The following PFN4 variants were observed in gnomAD, a reference collection of about 807,000 sequenced individuals.
PFN4 encodes the protein profilin-4.
Under a neutral mutation model 16.3 loss-of-function variants are expected in PFN4, and 10 were observed. That is an observed-to-expected ratio of 0.61 (90% CI 0.38 to 1.04). The LOEUF is 1.04. Ranked by LOEUF, PFN4 falls within the 50% of genes least tolerant of loss-of-function variation. The pLI is 0.01. For synonymous variants in PFN4, 54 were observed against 56.9 expected (o/e 0.95, Z 0.23); for missense variants, 136 against 153.6 (o/e 0.89, Z 0.61).
chr2:24,118,715 T>C (rs1362593285), intron 4 of PFN4, among the ~76,000 whole-genome samples: 1 of 152,176 alleles, frequency 6.6e-6, no homozygotes, highest in Non-Finnish European at 1.5e-5. Flanking sequence ...TTTAGGCAGA[T>C]AGAACAGCAT....
chr2:24,120,242 C>T (rs1666062428), intron 3 of PFN4, among the ~76,000 whole-genome samples: 1 of 151,396 alleles, frequency 6.6e-6, no homozygotes, highest in Non-Finnish European at 1.5e-5. Flanking sequence ...GCACTCCAGC[C>T]TGGGCGACAA....
chr2:24,119,944 A>G (rs1474678188), intron 3 of PFN4, among the ~76,000 whole-genome samples: 3 of 152,288 alleles, frequency 2.0e-5, no homozygotes, highest in East Asian at 3.9e-4. Context: ...AAGTTCTGCA[A>G]TTGATTATCA....
At chr2:24,115,936 T>C (rs79424235) in intron 4 of PFN4, among the ~76,000 whole-genome samples, 4,295 of 146,688 alleles carry the variant, frequency 0.029, 82 homozygotes, top group African/African-American at 0.055. Flanking sequence ...GGATGAATAA[T>C]GCATATGGCT....
chr2:24,117,262 C>T (rs1665950985), intron 4 of PFN4, among the ~76,000 whole-genome samples: 1 of 152,014 alleles, frequency 6.6e-6, no homozygotes, highest in Non-Finnish European at 1.5e-5. Flanking sequence ...ATGATCTACC[C>T]ACCTTGGCCT....
In PFN4 at chr2:24,115,037, T is replaced by TCCCTTTC. The variant is rs1366681162; in HGVS notation, c.*545_*546insGAAAGGG. ...GTCCATTGTTGAATGGCCTTTGCAA[T>TCCCTTTC]CCCTTCTCCCAAGTCTCACCGGGGT... On this transcript the variant is annotated 3_prime_UTR_variant, in exon 5 of 5. Transcript: ENST00000313213. Among the ~76,000 whole-genome samples the TCCCTTTC allele has an allele frequency of 6.6e-6, 1 of 152,202 alleles. No homozygotes were observed. Among genetic ancestry groups the TCCCTTTC allele is most frequent in the East Asian group, 1.9e-4 (1 of 5,202 alleles).
intron 3 of PFN4, among the ~76,000 whole-genome samples, chr2:24,120,313 G>C (rs1273801762): frequency 2.0e-5 from 3 of 151,900 alleles, no homozygotes; most frequent in Non-Finnish European, 4.4e-5. Context: ...AAACAAAACT[G>C]ATGTAATGGA....
At position 24,119,583 on chromosome 2, in the gene PFN4, T is replaced by C. The variant is rs146131011; in HGVS notation, c.355A>G (p.Ser119Gly). The C allele has an allele frequency of 3.7e-6, 6 of 1,612,984 alleles. No homozygotes were observed. In the African/African-American group the frequency reaches 8.0e-5, roughly 22 times the overall value. Residue 119 changes from serine to glycine, a missense_variant, in exon 4 of 5, where the codon AGC becomes GGC. Transcript: ENST00000313213. Reference protein sequence around the residue: ...YPSICVEATESLGDYLRKKGS With the variant: ...YPSICVEATEGLGDYLRKKGS The stretch of plus-strand genomic sequence containing the variant: ...AACTAGGAGGCCAACTTACCCAGGC[T>C]CTCTGTGGCTTCCACACAGATGCTA...
intron 4 of PFN4, 58 bp from the exon 5 acceptor site, chr2:24,115,669 AT>A: frequency 6.4e-7 from 1 of 1,551,708 alleles, no homozygotes; most frequent in South Asian, 1.1e-5. Flanking sequence ...ACTACAAATG[AT>A]TCATTCATCC....
intron 1 of PFN4, 29 bp from the exon 2 acceptor site, chr2:24,122,576 T>C: frequency 2.9e-6 from 4 of 1,371,978 alleles, no homozygotes; most frequent in East Asian, 2.3e-5. Context: ...TTGAAGCCAT[T>C]GACTCTGGCT....
intron 3 of PFN4, among the ~76,000 whole-genome samples, chr2:24,120,758 T>C (rs1666086399): frequency 6.6e-6 from 1 of 152,138 alleles, no homozygotes; most frequent in Non-Finnish European, 1.5e-5. Context: ...TTTCACCATG[T>C]TAGCTAGGCT....
At chr2:24,122,201 G>A (rs575254932) in intron 2 of PFN4, among the ~76,000 whole-genome samples, 4 of 151,988 alleles carry the variant, frequency 2.6e-5, no homozygotes, top group South Asian at 2.1e-4. Context: ...GCCTGGTAGC[G>A]CACTCCTGTA....
intron 1 of PFN4, chr2:24,122,751 C>A: frequency 2.2e-6 from 1 of 451,460 alleles, no homozygotes; most frequent in South Asian, 4.6e-5. Flanking sequence ...TCACAGCTCA[C>A]ACAGAATAGG....
chr2:24,122,412 T>C lies in PFN4; in HGVS notation c.117+7A>G, dbSNP rs989690288. ...CAAGTCTTAGGTCCAAACTTGTTTT[T>C]TCTTACATTGAAACCTGGTGATGCT... On this transcript the variant is annotated splice_region_variant and intron_variant, in intron 2 of 4. Transcript: ENST00000313213. 3 of 1,599,370 alleles carry C rather than the reference T, an allele frequency of 1.9e-6. No individual in the cohort carries two copies. Among genetic ancestry groups the C allele is most frequent in the Non-Finnish European group, 2.6e-6 (3 of 1,167,302 alleles).
chr2:24,121,100 C>A, intron 3 of PFN4, 63 bp downstream of exon 3: 3 of 1,590,252 alleles, frequency 1.9e-6, no homozygotes, highest in Admixed American at 1.7e-5. Flanking sequence ...TCAGGCAGAG[C>A]AAGGAAATTT....
intron 3 of PFN4, 126 bp downstream of exon 3, chr2:24,121,037 C>T (rs1488204513): frequency 2.3e-6 from 3 of 1,307,990 alleles, no homozygotes; most frequent in Non-Finnish European, 2.1e-6. Flanking sequence ...AGACTGCTAT[C>T]TCAAGACAAT....
At chr2:24,122,395 A>T in intron 2 of PFN4, 24 bp downstream of exon 2, 1 of 1,459,482 alleles carries the variant, frequency 6.9e-7, no homozygotes, top group Non-Finnish European at 9.6e-7. Flanking sequence ...ATCAAGTCTT[A>T]GGTCCAAACT....
Position 24,115,058 on chromosome 2 carries a change from G to C in PFN4, c.*525C>G, listed in dbSNP as rs1046275847. Among the ~76,000 whole-genome samples the C allele has an allele frequency of 6.6e-6, 1 of 152,200 alleles. No individual in the cohort carries two copies. Among genetic ancestry groups the C allele is most frequent in the African/African-American group, 2.4e-5 (1 of 41,456 alleles). On this transcript the variant is annotated 3_prime_UTR_variant, in exon 5 of 5. Transcript: ENST00000313213. ...GCAATCCCTTCTCCCAAGTCTCACC[G>C]GGGTGATGTGAGCCAGACAGATGTC...
chr2:24,122,189 G>A (rs1402688393), intron 2 of PFN4, among the ~76,000 whole-genome samples: 1 of 151,904 alleles, frequency 6.6e-6, no homozygotes, highest in South Asian at 2.1e-4. Flanking sequence ...AAAATTAGCC[G>A]GGCCTGGTAG....
intron 2 of PFN4, among the ~76,000 whole-genome samples, chr2:24,121,935 A>G (rs1666131414): frequency 6.6e-6 from 1 of 152,216 alleles, no homozygotes; most frequent in African/African-American, 2.4e-5. Flanking sequence ...TCTTTTCTTT[A>G]TAAATTACCC....
Sources: allele counts gnomAD v4.1 joint callset (sites outside exome capture counted in the v4.1 genomes callset), GRCh38; gene constraint gnomAD v4.1.1; transcripts MANE v1.5; gene names NCBI Gene and HGNC (gene_info 2026-07-23, HGNC 2026-07-21).